Variants in BZW2 observed in about 807,000 individuals in gnomAD.
BZW2 encodes the protein eIF5-mimic protein 1.
BZW2 carries 23 observed loss-of-function variants against 53.2 expected under a neutral mutation model. That is an observed-to-expected ratio of 0.43 (90% CI 0.31 to 0.61). The LOEUF (loss-of-function observed/expected upper bound fraction) is 0.61. BZW2 is among the 20% of genes least tolerant of loss of function. The probability of loss-of-function intolerance (pLI) is 0.09; values close to 1 mark genes in which losing one functional copy is unlikely to be tolerated. For synonymous variants in BZW2, 227 were observed against 186.4 expected, an observed-to-expected ratio of 1.22 and a Z score of -1.77; for missense variants, 409 against 503.1, an observed-to-expected ratio of 0.81 and a Z score of 1.79.
In BZW2 at chr7:16,686,221, G is replaced by T. The variant is rs567327435; in HGVS notation, c.541+181G>T. ...AATAAAAGGAGTGGACTTGTTAATT[G>T]TAGGAAGTTTGAAGGAAAAAATATG... is the stretch of plus-strand genomic sequence containing the variant. On this transcript the variant is annotated intron_variant, in intron 6 of 11. Transcript: ENST00000258761. The T allele has an allele frequency of 4.9e-5, 48 of 981,706 alleles. No individual in the cohort carries two copies. In the Admixed American group the frequency reaches 7.8e-4, roughly 16 times the overall value. The allele number at this position is 981,706 out of a possible 1,614,324, so 60.8% of individuals were successfully genotyped here.
intron 3 of BZW2, among the ~76,000 whole-genome samples, chr7:16,680,740 T>C (rs1782918906): frequency 6.6e-6 from 1 of 151,550 alleles, no homozygotes; most frequent in African/African-American, 2.4e-5. Flanking sequence ...ACCCTGGAGG[T>C]TGAGACTGCA....
chr7:16,648,899 C>T (rs1390824874), intron 1 of BZW2, among the ~76,000 whole-genome samples: 4 of 152,154 alleles, frequency 2.6e-5, no homozygotes, highest in Admixed American at 6.5e-5. Flanking sequence ...CTTTTGTGTT[C>T]ATCTCTCCCT....
chr7:16,656,081 A>G (rs1188944201), intron 1 of BZW2, among the ~76,000 whole-genome samples: 3 of 150,768 alleles, frequency 2.0e-5, no homozygotes, highest in Non-Finnish European at 3.0e-5. Context: ...AGTCATATAT[A>G]TGTGTGTGTG....
At chr7:16,697,893 C>G in intron 9 of BZW2, 155 bp from the exon 10 acceptor site, 1 of 845,938 alleles carries the variant, frequency 1.2e-6, no homozygotes, top group Non-Finnish European at 1.8e-6. Context: ...GTTCTGTTCC[C>G]CTCACCCCAT....
At chr7:16,678,165 A>G (rs818513) in intron 3 of BZW2, among the ~76,000 whole-genome samples, 34,260 of 143,002 alleles carry the variant, frequency 0.24, 4,306 homozygotes, top group East Asian at 0.37. Flanking sequence ...CGCCTCCTGG[A>G]ATCAGGCAAT....
intron 3 of BZW2, among the ~76,000 whole-genome samples, 160 bp from the exon 4 acceptor site, chr7:16,681,141 G>T (rs1344471130): frequency 6.6e-6 from 1 of 152,092 alleles, no homozygotes; most frequent in African/African-American, 2.4e-5. Context: ...AGCAACGTGT[G>T]TACATCTATA....
At chr7:16,696,882 G>A in intron 8 of BZW2, 33 bp from the exon 9 acceptor site, 4 of 1,612,844 alleles carry the variant, frequency 2.5e-6, no homozygotes, top group Non-Finnish European at 3.4e-6. Context: ...CCATCTGCCT[G>A]TTACTTTCTG....
chr7:16,673,821 T>A (rs1443451037), intron 2 of BZW2, among the ~76,000 whole-genome samples: 1 of 152,210 alleles, frequency 6.6e-6, no homozygotes, highest in East Asian at 1.9e-4. Flanking sequence ...TTAGCACATC[T>A]GTCCTGAAGC....
chr7:16,687,430 G>C (rs1783160364), intron 6 of BZW2: 1 of 152,122 alleles, frequency 6.6e-6, no homozygotes, highest in African/African-American at 2.4e-5. Context: ...AAAGGATTAA[G>C]AAAATGCTGG....
At chr7:16,683,764 G>A (rs1427112014) in intron 5 of BZW2, among the ~76,000 whole-genome samples, 1 of 152,012 alleles carries the variant, frequency 6.6e-6, no homozygotes, top group East Asian at 1.9e-4. Flanking sequence ...CTTTGTCATT[G>A]CTTCCAATTT....
chr7:16,685,870 CTTTTTCTTTT>C, intron 5 of BZW2, 25 bp from the exon 6 acceptor site: 1 of 1,426,544 alleles, frequency 7.0e-7, no homozygotes, highest in Non-Finnish European at 9.2e-7. Flanking sequence ...TTTTCTTTTT[CTTTTTCTTTT>C]TTTTTTTTTT....
In BZW2 at chr7:16,658,210, AC is replaced by A. The variant is rs1430320352; in HGVS notation, c.-7-7226del. On this transcript the variant is annotated intron_variant, in intron 1 of 11. Transcript: ENST00000258761. ...CTCTTAGAAAAGTAGAATTGCAGTA[AC>A]TAGAGACCAGGAAGTGATTCCTAGA... is the stretch of plus-strand genomic sequence containing the variant. 2.0e-5 allele frequency among the ~76,000 whole-genome samples: 3 copies of A among 152,202 alleles called. No homozygotes were observed. In the East Asian group the frequency reaches 5.8e-4, roughly 29 times the overall value.
chr7:16,650,740 A>G (rs1420417061), intron 1 of BZW2, among the ~76,000 whole-genome samples: 1 of 152,080 alleles, frequency 6.6e-6, no homozygotes, highest in Non-Finnish European at 1.5e-5. Flanking sequence ...TTCTTAACTC[A>G]CTCATTTCTG....
chr7:16,659,727 A>C (rs1239476457), intron 1 of BZW2, among the ~76,000 whole-genome samples: 1 of 152,186 alleles, frequency 6.6e-6, no homozygotes, highest in Non-Finnish European at 1.5e-5. Flanking sequence ...AAAGTACTTC[A>C]TGAGAACACT....
chr7:16,697,120 T>G, intron 9 of BZW2, 59 bp downstream of exon 9: 1 of 1,546,752 alleles, frequency 6.5e-7, no homozygotes, highest in Non-Finnish European at 8.7e-7. Context: ...TTTTTTTGTT[T>G]GTTTGTTTGT....
chr7:16,664,551 C>A (rs575997127), intron 1 of BZW2, among the ~76,000 whole-genome samples: 1 of 152,288 alleles, frequency 6.6e-6, no homozygotes, highest in East Asian at 1.9e-4. Flanking sequence ...GACTGGAACT[C>A]AATGAGCGAT....
intron 2 of BZW2, among the ~76,000 whole-genome samples, chr7:16,668,483 TG>T (rs1376489589): frequency 6.6e-6 from 1 of 152,172 alleles, no homozygotes; most frequent in Non-Finnish European, 1.5e-5. Context: ...AAACTCCTGA[TG>T]GGGGAATAAA....
intron 3 of BZW2, among the ~76,000 whole-genome samples, chr7:16,678,987 A>G (rs1782855457): frequency 6.6e-6 from 1 of 152,194 alleles, no homozygotes; most frequent in South Asian, 2.1e-4. Context: ...TCACAAGGCC[A>G]GGGCGAAATT....
Position 16,689,613 on chromosome 7 carries a change from CT to C in BZW2, c.542-183del, listed in dbSNP as rs1227922605. 2.0e-5 allele frequency among the ~76,000 whole-genome samples: 3 copies of C among 152,124 alleles called. No homozygotes were observed. The East Asian group carries it at 5.8e-4, about 29-fold the overall frequency. ...AATATTTTAATTTATTTTCCTTTTC[CT>C]GAAAATGTTCTAGTTTGAGTAATGA... On this transcript the variant is annotated intron_variant, in intron 6 of 11. Coordinates refer to ENST00000258761, the MANE Select transcript of BZW2 (RefSeq NM_014038.3).
Sources: gnomAD v4.1 joint callset for allele counts (sites outside exome capture counted in the v4.1 genomes callset) on GRCh38, gnomAD v4.1.1 for gene constraint, MANE v1.5 for transcripts, NCBI Gene and HGNC (gene_info 2026-07-23, HGNC 2026-07-21) for gene names.